CNTNAP2: variants seen among roughly 807,000 people sequenced by gnomAD.
CNTNAP2 encodes the protein contactin associated protein 2.
A neutral mutation model predicts 155.2 loss-of-function variants in CNTNAP2; 98 were observed. That is an observed-to-expected ratio of 0.63 (90% CI 0.54 to 0.75). The LOEUF (loss-of-function observed/expected upper bound fraction) is 0.75. Among genes scored for constraint, CNTNAP2 ranks in the 30% least tolerant of loss-of-function variants. The pLI is 0.00. For synonymous variants in CNTNAP2, 651 were observed against 631.2 expected (o/e 1.03, Z -0.47); for missense variants, 1,727 against 1,688.1 (o/e 1.02, Z -0.40).
At chr7:146,690,179 C>G (rs892908526) in intron 1 of CNTNAP2, among the ~76,000 whole-genome samples, 65 of 152,050 alleles carry the variant, frequency 4.3e-4, no homozygotes, top group African/African-American at 1.5e-3. Context: ...ACCAGTCTTC[C>G]AACAACAGTT....
At chr7:146,222,937 G>T (rs1195323244) in intron 1 of CNTNAP2, among the ~76,000 whole-genome samples, 2 of 152,070 alleles carry the variant, frequency 1.3e-5, no homozygotes, top group East Asian at 1.9e-4. Context: ...GGGATTACAG[G>T]CATGAGCCAC....
intron 1 of CNTNAP2, among the ~76,000 whole-genome samples, chr7:146,741,494 C>T (rs888768392): frequency 6.6e-6 from 1 of 152,080 alleles, no homozygotes; most frequent in East Asian, 1.9e-4. Context: ...GAAATTTATA[C>T]ATAATAGTGT....
At chr7:146,700,444 T>TA (rs945202727) in intron 1 of CNTNAP2, among the ~76,000 whole-genome samples, 7 of 152,130 alleles carry the variant, frequency 4.6e-5, no homozygotes, top group African/African-American at 1.2e-4. Flanking sequence ...TTTTTTAAAT[T>TA]AAAAAAATAA....
chr7:147,397,766 CA>C (rs1251351773), intron 10 of CNTNAP2, among the ~76,000 whole-genome samples: 6 of 132,870 alleles, frequency 4.5e-5, no homozygotes, highest in Admixed American at 8.0e-5. Context: ...CAGAGATACA[CA>C]AAATTTTTTT....
intron 9 of CNTNAP2, among the ~76,000 whole-genome samples, chr7:147,334,222 C>G (rs949096812): frequency 1.4e-4 from 22 of 152,246 alleles, no homozygotes; most frequent in African/African-American, 4.1e-4. Flanking sequence ...CTGCCTCCTC[C>G]TTCCTCTTCA....
At chr7:147,166,202 C>T (rs1307298700) in intron 8 of CNTNAP2, among the ~76,000 whole-genome samples, 1 of 152,102 alleles carries the variant, frequency 6.6e-6, no homozygotes, top group Non-Finnish European at 1.5e-5. Context: ...ATGGAATATA[C>T]ACTCAACCAT....
chr7:147,052,512 G>C (rs1799491622), intron 4 of CNTNAP2, among the ~76,000 whole-genome samples: 1 of 152,000 alleles, frequency 6.6e-6, no homozygotes, highest in African/African-American at 2.4e-5. Context: ...GCTCTAAGGG[G>C]CCTACAAAAT....
At chr7:147,414,931 G>C (rs865862967) in intron 10 of CNTNAP2, among the ~76,000 whole-genome samples, 15 of 96,622 alleles carry the variant, frequency 1.6e-4, no homozygotes, top group African/African-American at 5.9e-4. Context: ...GAAAGAGAGA[G>C]ACTCCTTCTC....
chr7:146,748,223 G>T (rs1485274712), intron 1 of CNTNAP2, among the ~76,000 whole-genome samples: 1 of 140,288 alleles, frequency 7.1e-6, no homozygotes, highest in Admixed American at 7.7e-5. Flanking sequence ...TCAGCTCACT[G>T]CAAGCTCTGC....
intron 10 of CNTNAP2, among the ~76,000 whole-genome samples, chr7:147,448,246 A>T (rs891789713): frequency 1.3e-5 from 2 of 152,150 alleles, no homozygotes; most frequent in Non-Finnish European, 2.9e-5. Context: ...TCTTAAAAAC[A>T]CAATGTTGAA....
chr7:147,811,368 G>T (rs1468008943), intron 13 of CNTNAP2, among the ~76,000 whole-genome samples: 5 of 152,122 alleles, frequency 3.3e-5, no homozygotes, highest in Non-Finnish European at 7.4e-5. Context: ...AAAGTGCTAG[G>T]ATTACAGGCA....
chr7:147,691,138 A>G (rs1231379883), intron 13 of CNTNAP2, among the ~76,000 whole-genome samples: 1 of 152,032 alleles, frequency 6.6e-6, no homozygotes, highest in African/African-American at 2.4e-5. Flanking sequence ...ATTCAATTGG[A>G]TTAATTTGAT....
intron 1 of CNTNAP2, among the ~76,000 whole-genome samples, chr7:146,757,547 G>C (rs1041705929): frequency 2.6e-5 from 4 of 152,106 alleles, no homozygotes; most frequent in South Asian, 2.1e-4. Flanking sequence ...AGCTATAAAA[G>C]AGATCCCAAG....
chr7:148,228,827 CAA>C lies in CNTNAP2; in HGVS notation c.3248-804_3248-803del, dbSNP rs10657103. Among the ~76,000 whole-genome samples, 623 of 118,686 alleles carry C rather than the reference CAA, an allele frequency of 5.2e-3. 11 individuals are homozygous for C. Among genetic ancestry groups the C allele is most frequent in the African/African-American group, 0.019 (570 of 30,554 alleles). The allele number at this position is 118,686 out of a possible 152,430, so 77.9% of individuals were successfully genotyped here. A position where few individuals can be genotyped will look rare whatever the true frequency, so the allele number is the denominator to read the frequency against. On this transcript the variant is annotated intron_variant, in intron 19 of 23. Transcript: ENST00000361727. ...TGGGCGACAGAGCGAGACTCTGTTT[CAA>C]AAAAAAAAAAAAAACTATGTTTATT...
At chr7:147,624,001 A>T (rs1794918714) in intron 12 of CNTNAP2, among the ~76,000 whole-genome samples, 1 of 152,160 alleles carries the variant, frequency 6.6e-6, no homozygotes, top group Non-Finnish European at 1.5e-5. Flanking sequence ...TGCCAAGAAC[A>T]TACTCTTAGG....
intron 9 of CNTNAP2, chr7:147,378,172 T>A (rs1796471988): frequency 3.3e-6 from 1 of 303,644 alleles, no homozygotes; most frequent in African/African-American, 2.3e-5. Flanking sequence ...CTAAGTTTTT[T>A]TAAATTTCTG....
intron 3 of CNTNAP2, among the ~76,000 whole-genome samples, chr7:146,932,016 G>T (rs1444326844): frequency 1.3e-5 from 2 of 150,450 alleles, no homozygotes; most frequent in East Asian, 3.9e-4. Context: ...GTACAAGGAG[G>T]AACTGGTACC....
At chr7:146,224,781 A>G (rs529365241) in intron 1 of CNTNAP2, among the ~76,000 whole-genome samples, 49 of 152,230 alleles carry the variant, frequency 3.2e-4, no homozygotes, top group African/African-American at 1.2e-3. Context: ...AAACAAACAA[A>G]CAAACAACAG....
chr7:147,284,411 C>T (rs1051252391), intron 8 of CNTNAP2, among the ~76,000 whole-genome samples: 27 of 151,788 alleles, frequency 1.8e-4, no homozygotes, highest in African/African-American at 6.5e-4. Flanking sequence ...TCACACGGCT[C>T]TCCTGTCTTA....
Sources: allele counts gnomAD v4.1 joint callset (sites outside exome capture counted in the v4.1 genomes callset), GRCh38; gene constraint gnomAD v4.1.1; transcripts MANE v1.5; gene names NCBI Gene and HGNC (gene_info 2026-07-23, HGNC 2026-07-21).